The following B3GALNT1 variants were observed in gnomAD, a reference collection of about 807,000 sequenced individuals.
B3GALNT1 encodes the protein beta-1,3-N-acetylgalactosaminyltransferase 1 (Globoside blood group).
In B3GALNT1, 17 loss-of-function variants were observed where a neutral mutation model predicts 27.3. The observed-to-expected ratio is 0.62, with a 90% CI of 0.43 to 0.94. The LOEUF (loss-of-function observed/expected upper bound fraction) is 0.94. Among genes scored for constraint, B3GALNT1 ranks in the 40% least tolerant of loss-of-function variants. B3GALNT1 has a pLI of 0.00. For synonymous variants in B3GALNT1, 141 were observed against 144.0 expected (o/e 0.98, Z 0.15); for missense variants, 347 against 390.0 (o/e 0.89, Z 0.93).
rs1345493386 is a variant in B3GALNT1, at chr3:161,086,686, C to T, written c.69G>A (p.Leu23=). 1.2e-6 allele frequency: 2 copies of T among 1,614,070 alleles called. No homozygotes were observed. Among genetic ancestry groups the T allele is most frequent in the Admixed American group, 3.3e-5 (2 of 60,008 alleles). The part of the protein sequence containing the change: ...MSLRSLKWSL[L]LLSLLSFFVM... ...CAAAGAAACTCAGGAGTGACAGCAG[C>T]AGGAGGCTCCATTTGAGGGATCTCA... Residue 23 remains leucine (L), a synonymous_variant, in exon 5 of 5, where the codon CTG becomes CTA. Transcript: ENST00000320474.
intron 4 of B3GALNT1, among the ~76,000 whole-genome samples, chr3:161,087,027 G>A (rs2108202821): frequency 6.6e-6 from 1 of 152,228 alleles, no homozygotes; most frequent in East Asian, 1.9e-4. Flanking sequence ...TTATTTTGTA[G>A]TAGTTATCCT....
At chr3:161,092,481 C>A (rs36011360) in intron 4 of B3GALNT1, among the ~76,000 whole-genome samples, 8,472 of 151,976 alleles carry the variant, frequency 0.056, 317 homozygotes, top group South Asian at 0.11. Context: ...CCACACCTAT[C>A]AGCAGGAAGA....
rs34798602 is a variant in B3GALNT1, at chr3:161,101,213, G to T, written c.-109C>A. ...AGCGGGAAGAGCCAACAGGTCAACC[G>T]GGTCCAGGGAGCTAAGAAAACTGGA... On this transcript the variant is annotated 5_prime_UTR_variant, in exon 4 of 5. Coordinates refer to ENST00000320474, the MANE Select transcript of B3GALNT1 (RefSeq NM_003781.4). The T allele has an allele frequency of 1.6e-6, 2 of 1,289,786 alleles. No individual in the cohort carries two copies. Among genetic ancestry groups the T allele is most frequent in the Non-Finnish European group, 2.0e-6 (2 of 988,884 alleles). 79.9% of individuals were successfully genotyped at this position (1,289,786 alleles called of 1,614,324 possible). A position where few individuals can be genotyped will look rare whatever the true frequency, so the allele number is the denominator to read the frequency against.
At chr3:161,089,581 A>G (rs1723855610) in intron 4 of B3GALNT1, among the ~76,000 whole-genome samples, 1 of 152,220 alleles carries the variant, frequency 6.6e-6, no homozygotes. Context: ...ACAAATATAG[A>G]ACACTATCTT....
intron 4 of B3GALNT1, among the ~76,000 whole-genome samples, chr3:161,088,925 G>A (rs1294403872): frequency 6.6e-6 from 1 of 152,204 alleles, no homozygotes; most frequent in African/African-American, 2.4e-5. Context: ...ATGTGAGAAT[G>A]TGACTATGGT....
chr3:161,091,248 G>A (rs1724923242), intron 4 of B3GALNT1, among the ~76,000 whole-genome samples: 1 of 152,012 alleles, frequency 6.6e-6, no homozygotes, highest in South Asian at 2.1e-4. Context: ...TAGCCTGGGT[G>A]ACAAAGCGTG....
intron 4 of B3GALNT1, chr3:161,089,839 C>T (rs150562810): frequency 1.3e-5 from 2 of 152,376 alleles, no homozygotes; most frequent in Non-Finnish European, 2.9e-5. Context: ...GAGGCCAAGG[C>T]AGGCGGATCA....
At chr3:161,093,615 T>G (rs879674339) in intron 4 of B3GALNT1, among the ~76,000 whole-genome samples, 1 of 152,210 alleles carries the variant, frequency 6.6e-6, no homozygotes, top group Non-Finnish European at 1.5e-5. Context: ...AACAGGGAAG[T>G]ACACTATTAT....
At chr3:161,104,254 A>C in intron 2 of B3GALNT1, 65 bp downstream of exon 2, 1 of 1,230,544 alleles carries the variant, frequency 8.1e-7, no homozygotes, top group Non-Finnish European at 1.1e-6. Flanking sequence ...CTTTTGCTTA[A>C]GCCTCCTGGG....
chr3:161,102,886 G>A (rs1732133099), intron 3 of B3GALNT1, among the ~76,000 whole-genome samples: 1 of 152,152 alleles, frequency 6.6e-6, no homozygotes, highest in African/African-American at 2.4e-5. Context: ...GCTGGAGGCT[G>A]GGCACAAGAA....
rs1388765994 is a variant in B3GALNT1, at chr3:161,101,169, A to C, written c.-65T>G. On this transcript the variant is annotated 5_prime_UTR_variant, in exon 4 of 5. Coordinates refer to ENST00000320474, the MANE Select transcript of B3GALNT1 (RefSeq NM_003781.4). ...CACTCGGGGTGAGTAGTCGGAGAGC[A>C]CCACGTGATAGAGCAGCCAGCGGGA... 3.1e-6 allele frequency: 4 copies of C among 1,289,850 alleles called. No individual in the cohort carries two copies. Among genetic ancestry groups the C allele is most frequent in the Non-Finnish European group, 4.0e-6 (4 of 988,878 alleles). The allele number at this position is 1,289,850 out of a possible 1,614,324, so 79.9% of individuals were successfully genotyped here.
chr3:161,088,697 C>T (rs1020062902), intron 4 of B3GALNT1, among the ~76,000 whole-genome samples: 2 of 152,288 alleles, frequency 1.3e-5, no homozygotes, highest in African/African-American at 2.4e-5. Flanking sequence ...CAGCCACTAA[C>T]GACTTGTACA....
In B3GALNT1 at chr3:161,085,833, C is replaced by G. The variant is rs749221871; in HGVS notation, c.922G>C (p.Ala308Pro). Residue 308 changes from alanine (A) to proline (P), a missense_variant, in exon 5 of 5, where the codon GCC (alanine) becomes CCC (proline). Coordinates refer to ENST00000320474, the MANE Select transcript of B3GALNT1 (RefSeq NM_003781.4). The part of the protein sequence containing the change: ...DVCQLRRVIA[A>P]HGFSSKEIIT... ...ATCTCCTTGGAAGAAAAGCCATGGG[C>G]TGCAATCACACGTCTCAGTTGACAG... The G allele has an allele frequency of 1.2e-6, 2 of 1,614,030 alleles. No individual in the cohort carries two copies. The highest frequency in any genetic ancestry group is 2.7e-5 in the African/African-American group (2 of 74,934).
intron 4 of B3GALNT1, among the ~76,000 whole-genome samples, 176 bp downstream of exon 4, chr3:161,100,963 A>G (rs1730927950): frequency 6.6e-6 from 1 of 152,170 alleles, no homozygotes; most frequent in Admixed American, 6.5e-5. Flanking sequence ...TTTCCAGGGA[A>G]CAGTGCAGCC....
chr3:161,092,313 T>C (rs1725549356), intron 4 of B3GALNT1, among the ~76,000 whole-genome samples: 1 of 152,156 alleles, frequency 6.6e-6, no homozygotes, highest in Admixed American at 6.5e-5. Context: ...AATTTAACTC[T>C]CAGAAATAAA....
Position 161,086,558 on chromosome 3 carries a change from G to A in B3GALNT1, c.197C>T (p.Thr66Ile), listed in dbSNP as rs776083375. 8.7e-6 allele frequency: 14 copies of A among 1,614,106 alleles called. No individual in the cohort carries two copies. Among genetic ancestry groups the A allele is most frequent in the African/African-American group, 1.3e-5 (1 of 74,938 alleles). ...AGAGCAGTTTGAATGCTCTCGAAGT[G>A]TGAAGTGAAAGTCTTGTCTGTAAAT... ...EPIYRQDFHF[T>I]LREHSNCSHQ... The change falls in exon 5 of 5, where the codon ACA becomes ATA. Residue 66 changes from threonine to isoleucine, a missense_variant. By Grantham distance (89) the Thr-to-Ile change is moderately conservative. Coordinates refer to ENST00000320474, the MANE Select transcript of B3GALNT1 (RefSeq NM_003781.4).
At chr3:161,093,017 A>G (rs1160821743) in intron 4 of B3GALNT1, among the ~76,000 whole-genome samples, 2 of 152,010 alleles carry the variant, frequency 1.3e-5, no homozygotes, top group African/African-American at 4.8e-5. Flanking sequence ...TCGGCCTCCC[A>G]AAGTGCTGGG....
chr3:161,100,515 A>AT (rs746192732), intron 4 of B3GALNT1, among the ~76,000 whole-genome samples: 4 of 152,234 alleles, frequency 2.6e-5, no homozygotes, highest in South Asian at 2.1e-4. Flanking sequence ...GTGCTGAGGT[A>AT]TAAGACATCT....
At chr3:161,094,686 TA>T (rs11318285) in intron 4 of B3GALNT1, among the ~76,000 whole-genome samples, 30,395 of 151,580 alleles carry the variant, frequency 0.2, 3,125 homozygotes, top group East Asian at 0.26. Flanking sequence ...ATATTAACAT[TA>T]AAAAAAAATT....
Sources: allele counts gnomAD v4.1 joint callset (sites outside exome capture counted in the v4.1 genomes callset), GRCh38; gene constraint gnomAD v4.1.1; transcripts MANE v1.5; gene names NCBI Gene and HGNC (gene_info 2026-07-23, HGNC 2026-07-21).